TMEM117: variants seen among roughly 807,000 people sequenced by gnomAD.
The protein encoded by TMEM117 is transmembrane protein 117.
TMEM117 carries 27 observed loss-of-function variants against 52.4 expected under a neutral mutation model. That is an observed-to-expected ratio of 0.51 (90% confidence interval 0.38 to 0.71). The LOEUF is 0.71. TMEM117 is among the 30% of genes least tolerant of loss of function. TMEM117 has a pLI of 0.00. For synonymous variants in TMEM117, 215 were observed against 206.3 expected (o/e 1.04, Z -0.36); for missense variants, 556 against 630.5 (o/e 0.88, Z 1.26).
At chr12:44,192,293 C>T (rs1949365508) in intron 4 of TMEM117, among the ~76,000 whole-genome samples, 1 of 152,152 alleles carries the variant, frequency 6.6e-6, no homozygotes, top group South Asian at 2.1e-4. Context: ...GATTCCTGTT[C>T]TGATTGCACT....
intron 6 of TMEM117, among the ~76,000 whole-genome samples, chr12:44,325,321 A>G (rs1427693953): frequency 6.6e-6 from 1 of 152,174 alleles, no homozygotes; most frequent in East Asian, 1.9e-4. Flanking sequence ...GTGGGGGCAG[A>G]CATTGGCCAT....
At chr12:43,829,798 AG>A in the TMEM117 span, among the ~76,000 whole-genome samples, 2 of 152,190 alleles carry the variant, frequency 1.3e-5, no homozygotes, top group Non-Finnish European at 2.9e-5. Context: ...AGGCAGTAAA[AG>A]GAACTGTAGG....
chr12:44,016,667 C>A (rs1446003296), intron 3 of TMEM117, among the ~76,000 whole-genome samples: 1 of 152,148 alleles, frequency 6.6e-6, no homozygotes, highest in Non-Finnish European at 1.5e-5. Flanking sequence ...AGTGGAAATA[C>A]AAAGTCACAG....
the TMEM117 span, among the ~76,000 whole-genome samples, chr12:43,815,621 A>T: frequency 1.3e-5 from 2 of 152,388 alleles, no homozygotes; most frequent in South Asian, 4.1e-4. Flanking sequence ...GTCAGGTAGC[A>T]TACAAGGTGA....
chr12:44,090,841 TTTTTTTTG>T lies in TMEM117; in HGVS notation c.411-52676_411-52669del, dbSNP rs1243421165. Among the ~76,000 whole-genome samples, 67 of 118,818 alleles carry T rather than the reference TTTTTTTTG, an allele frequency of 5.6e-4. 1 individual carries two copies. Among genetic ancestry groups the T allele is most frequent in the African/African-American group, 8.0e-4 (22 of 27,384 alleles). The allele number at this position is 118,818 out of a possible 152,430, so 77.9% of individuals were successfully genotyped here. The stretch of plus-strand genomic sequence containing the variant: ...AATTCTTAATCCTGTATTTATGTGT[TTTTTTTTG>T]TTTTTTTTTTTTTTTTGCTGAGTGC... On this transcript the variant is annotated intron_variant, in intron 3 of 7. Transcript: ENST00000266534.
chr12:44,375,583 G>A (rs907837654), intron 6 of TMEM117, among the ~76,000 whole-genome samples: 1 of 152,066 alleles, frequency 6.6e-6, no homozygotes, highest in Non-Finnish European at 1.5e-5. Flanking sequence ...CCTCTCAGCT[G>A]CATATATAAA....
chr12:43,832,940 T>C (rs888989167), upstream of TMEM117, among the ~76,000 whole-genome samples: 2 of 152,226 alleles, frequency 1.3e-5, no homozygotes, highest in Admixed American at 6.5e-5. Flanking sequence ...TAATTGTTAT[T>C]GTGATCAAAC....
intron 3 of TMEM117, among the ~76,000 whole-genome samples, chr12:44,021,595 A>C (rs1232788305): frequency 1.3e-5 from 2 of 152,198 alleles, no homozygotes; most frequent in Non-Finnish European, 2.9e-5. Flanking sequence ...ATATTTTTAG[A>C]CACTTAGAGC....
chr12:44,310,389 A>T (rs969295588), intron 6 of TMEM117, among the ~76,000 whole-genome samples: 1 of 152,224 alleles, frequency 6.6e-6, no homozygotes, highest in Non-Finnish European at 1.5e-5. Flanking sequence ...CTCTAATCCC[A>T]GCACTTTGGG....
chr12:43,978,765 T>C (rs187461505), intron 3 of TMEM117, among the ~76,000 whole-genome samples: 110 of 152,262 alleles, frequency 7.2e-4, no homozygotes, highest in African/African-American at 2.4e-3. Context: ...ACCTAGCAAC[T>C]GATTGCATCA....
chr12:43,812,121 G>T, the TMEM117 span, among the ~76,000 whole-genome samples: 1 of 152,018 alleles, frequency 6.6e-6, no homozygotes, highest in African/African-American at 2.4e-5. Flanking sequence ...GAGTAGCTTT[G>T]CTAAACAGCT....
In TMEM117 at chr12:44,311,749, G is replaced by A. The variant is rs990521424; in HGVS notation, c.768+12010G>A. Among the ~76,000 whole-genome samples the A allele has an allele frequency of 4.3e-4, 52 of 121,614 alleles. 1 individual carries two copies. Among genetic ancestry groups the A allele is most frequent in the African/African-American group, 1.3e-3 (35 of 26,538 alleles). 79.8% of individuals were successfully genotyped at this position (121,614 alleles called of 152,430 possible). A position where few individuals can be genotyped will look rare whatever the true frequency, so the allele number is the denominator to read the frequency against. ...TATGTATATATATATGTATATATGT[G>A]TATATATGTATATATATATGTATAT... On this transcript the variant is annotated intron_variant, in intron 6 of 7. Transcript: ENST00000266534.
chr12:44,034,069 A>C (rs1211516998), intron 3 of TMEM117, among the ~76,000 whole-genome samples: 1 of 152,224 alleles, frequency 6.6e-6, no homozygotes, highest in Non-Finnish European at 1.5e-5. Context: ...TTTGTAGAGC[A>C]TTTTATACAT....
chr12:44,082,945 G>A (rs1465522012), intron 3 of TMEM117, among the ~76,000 whole-genome samples: 1 of 152,032 alleles, frequency 6.6e-6, no homozygotes, highest in Admixed American at 6.6e-5. Context: ...GTTGCCTGAT[G>A]TTGCTTATCT....
intron 5 of TMEM117, among the ~76,000 whole-genome samples, chr12:44,293,223 A>G (rs1950726764): frequency 6.6e-6 from 1 of 151,990 alleles, no homozygotes; most frequent in Non-Finnish European, 1.5e-5. Context: ...ATTCTGTCTA[A>G]TTTGAATATA....
At chr12:43,807,639 T>C in the TMEM117 span, among the ~76,000 whole-genome samples, 1 of 152,176 alleles carries the variant, frequency 6.6e-6, no homozygotes, top group African/African-American at 2.4e-5. Flanking sequence ...TTGGCGTTGC[T>C]CAAAAGTATA....
intron 3 of TMEM117, among the ~76,000 whole-genome samples, chr12:44,090,390 A>G (rs931583575): frequency 1.4e-5 from 2 of 145,904 alleles, no homozygotes; most frequent in Non-Finnish European, 3.0e-5. Flanking sequence ...TTTTATTTTT[A>G]TCTTACTTTT....
At chr12:43,875,528 G>A (rs557582433) in intron 2 of TMEM117, among the ~76,000 whole-genome samples, 1 of 152,168 alleles carries the variant, frequency 6.6e-6, no homozygotes, top group Non-Finnish European at 1.5e-5. Flanking sequence ...TTTCTCATTT[G>A]TAATCTAAAA....
At chr12:44,223,018 CTT>C (rs58604256) in intron 5 of TMEM117, among the ~76,000 whole-genome samples, 103 of 138,844 alleles carry the variant, frequency 7.4e-4, no homozygotes, top group Admixed American at 7.2e-4. Context: ...AAAACTTTTC[CTT>C]TTTTTTTTTT....
Sources: gnomAD v4.1 joint callset for allele counts (sites outside exome capture counted in the v4.1 genomes callset) on GRCh38, gnomAD v4.1.1 for gene constraint, MANE v1.5 for transcripts, NCBI Gene and HGNC (gene_info 2026-07-23, HGNC 2026-07-21) for gene names.